The following CACNA1C variants were observed in gnomAD, a reference collection of about 807,000 sequenced individuals.
CACNA1C encodes voltage-dependent L-type calcium channel subunit alpha-1C.
CACNA1C carries 30 observed loss-of-function variants against 229.0 expected under a neutral mutation model. The ratio of observed to expected loss-of-function variants is 0.13; its 90% confidence interval spans 0.10 to 0.18. The LOEUF (loss-of-function observed/expected upper bound fraction) is 0.18. Ranked by LOEUF, CACNA1C falls within the 10% of genes least tolerant of loss-of-function variation. CACNA1C has a pLI of 1.00. For missense variants in CACNA1C, 1,658 were observed against 2,845.0 expected (o/e 0.58, Z 9.49); for synonymous variants, 1,114 against 1,132.5 (o/e 0.98, Z 0.33).
Position 2,146,055 on chromosome 12 carries a change from G to A in CACNA1C, c.477+25625G>A, listed in dbSNP as rs138081424. ...TTTGTAAATTGTGTAGCATTCAAATGGAAGTTATTGTTATTTTTATTATTG... is the reference window on the plus strand; with the variant it reads ...TTTGTAAATTGTGTAGCATTCAAATAGAAGTTATTGTTATTTTTATTATTG... On this transcript the variant is annotated intron_variant, in intron 3 of 46. Transcript: ENST00000399655. Among the ~76,000 whole-genome samples the A allele has an allele frequency of 3.6e-3, 549 of 151,286 alleles. 6 individuals carry two copies. Among genetic ancestry groups the A allele is most frequent in the African/African-American group, 0.013 (525 of 41,450 alleles).
intron 43 of CACNA1C, among the ~76,000 whole-genome samples, chr12:2,682,963 A>G (rs1055705975): frequency 1.0e-5 from 1 of 97,546 alleles, no homozygotes; most frequent in Non-Finnish European, 2.2e-5. Context: ...AAATTTCTGA[A>G]CATTGTTTTA....
At chr12:2,429,433 A>G (rs1269923757) in intron 3 of CACNA1C, among the ~76,000 whole-genome samples, 3 of 152,180 alleles carry the variant, frequency 2.0e-5, no homozygotes, top group Non-Finnish European at 4.4e-5. Context: ...CAGCAGGCAC[A>G]CACCAAGTTG....
chr12:2,436,829 A>C (rs531467539), intron 3 of CACNA1C, among the ~76,000 whole-genome samples: 1 of 152,166 alleles, frequency 6.6e-6, no homozygotes, highest in Non-Finnish European at 1.5e-5. Flanking sequence ...GGAAGCCCCA[A>C]ATTAAGGTGG....
Position 2,682,635 on chromosome 12 carries a change from G to A in CACNA1C, c.5530G>A (p.Asp1844Asn). Residue 1844 changes from aspartate to asparagine, a missense_variant, in exon 43 of 47, where the codon GAC (aspartate) becomes AAC (asparagine). Physicochemically the swap from Asp to Asn is conservative, Grantham distance 23. Transcript: ENST00000399655. ...GACCTATGAAGTGAAGATGAACCAT[G>A]ACACGGAGGCCTGCAGTGAGCCCAG... Reference protein sequence around the residue: ...DETYEVKMNHDTEACSEPSLL... With the variant: ...DETYEVKMNHNTEACSEPSLL... 2.5e-6 allele frequency: 4 copies of A among 1,612,380 alleles called. No homozygotes were observed. The highest frequency in any genetic ancestry group is 3.4e-6 in the Non-Finnish European group (4 of 1,179,612).
chr12:2,415,001 G>T (rs2098850974), intron 3 of CACNA1C, among the ~76,000 whole-genome samples: 1 of 152,152 alleles, frequency 6.6e-6, no homozygotes, highest in South Asian at 2.1e-4. Context: ...CTTCCCCAAG[G>T]CACCCGACAC....
chr12:2,237,605 G>A (rs183188853), intron 3 of CACNA1C, among the ~76,000 whole-genome samples: 1 of 152,288 alleles, frequency 6.6e-6, no homozygotes, highest in African/African-American at 2.4e-5. Flanking sequence ...ATTCCTAGTG[G>A]TCAATGGTTG....
chr12:2,291,723 C>G (rs983822335), intron 3 of CACNA1C, among the ~76,000 whole-genome samples: 7 of 152,154 alleles, frequency 4.6e-5, no homozygotes, highest in Non-Finnish European at 7.4e-5. Flanking sequence ...TTTTGATTGG[C>G]TGTTTGTCCC....
chr12:2,257,278 C>A (rs1035977157), intron 3 of CACNA1C, among the ~76,000 whole-genome samples: 17 of 152,180 alleles, frequency 1.1e-4, no homozygotes, highest in Non-Finnish European at 1.9e-4. Flanking sequence ...TGTAGTCCAG[C>A]TGAGTACCCT....
intron 29 of CACNA1C, among the ~76,000 whole-genome samples, chr12:2,619,796 T>C (rs1294789793): frequency 1.3e-5 from 2 of 152,098 alleles, no homozygotes; most frequent in Non-Finnish European, 2.9e-5. Context: ...CCAAAATATT[T>C]TGTTGAGCAG....
At chr12:2,381,631 G>T (rs2098250890) in intron 3 of CACNA1C, among the ~76,000 whole-genome samples, 1 of 152,154 alleles carries the variant, frequency 6.6e-6, no homozygotes, top group Non-Finnish European at 1.5e-5. Flanking sequence ...TAGCAATCCT[G>T]GGGCTAACCC....
At chr12:2,428,046 A>G (rs748245333) in intron 3 of CACNA1C, among the ~76,000 whole-genome samples, 2 of 152,262 alleles carry the variant, frequency 1.3e-5, no homozygotes, top group African/African-American at 2.4e-5. Flanking sequence ...ACACTTTCAA[A>G]GGAAAGACTG....
In CACNA1C at chr12:2,067,481, T is replaced by TGTGCGC. The variant is rs3085990; in HGVS notation, c.49+13871_49+13872insTGCGCG. ...GTGTGTGTGTGTGTGTGTGTGTGTG[T>TGTGCGC]GCGCGCGTGTGCGTGCCTGTATGTA... On this transcript the variant is annotated intron_variant, in intron 1 of 46. Coordinates refer to ENST00000399655, the MANE Select transcript of CACNA1C (RefSeq NM_000719.7). The surrounding 1 kb of genome is among the most constrained non-coding windows in gnomAD (Gnocchi z 5.3). Among the ~76,000 whole-genome samples the TGTGCGC allele has an allele frequency of 1.6e-3, 219 of 140,888 alleles. No individual in the cohort carries two copies. The highest frequency in any genetic ancestry group is 8.5e-3 in the East Asian group (40 of 4,712). 92.4% of individuals were successfully genotyped at this position (140,888 alleles called of 152,430 possible). A position where few individuals can be genotyped will look rare whatever the true frequency, so the allele number is the denominator to read the frequency against.
intron 1 of CACNA1C, among the ~76,000 whole-genome samples, chr12:1,999,593 G>A (rs767200815): frequency 6.6e-6 from 1 of 152,042 alleles, no homozygotes; most frequent in Non-Finnish European, 1.5e-5. Context: ...AGGTGTGGTG[G>A]CACATGCCGG....
rs574045226 is a variant in CACNA1C, at chr12:2,473,285, G to C, written c.758-12819G>C. The stretch of plus-strand genomic sequence containing the variant: ...CAGGCAACCCCTACACAAACTTCTA[G>C]GGCCCTGTATCTACCTCGCTGTCTC... On this transcript the variant is annotated intron_variant, in intron 5 of 46. Transcript: ENST00000399655. 2.1e-4 allele frequency among the ~76,000 whole-genome samples: 32 copies of C among 152,180 alleles called. No homozygotes were observed. The South Asian group carries it at 6.6e-3, about 32-fold the overall frequency.
chr12:2,408,461 C>A (rs2098763613), intron 3 of CACNA1C, among the ~76,000 whole-genome samples: 1 of 149,464 alleles, frequency 6.7e-6, no homozygotes, highest in Admixed American at 6.6e-5. Context: ...CTTTCCTGGG[C>A]TTTTGGCTAA....
intron 1 of CACNA1C, among the ~76,000 whole-genome samples, chr12:2,023,399 A>G (rs558437274): frequency 6.6e-5 from 10 of 152,006 alleles, no homozygotes; most frequent in Non-Finnish European, 1.3e-4. Context: ...GGCTTTTATC[A>G]CTTTCTACTC....
At chr12:1,993,355 AT>A in intron 1 of CACNA1C, 3 of 1,613,998 alleles carry the variant, frequency 1.9e-6, no homozygotes, top group Non-Finnish European at 2.5e-6. Flanking sequence ...TGCTCAGCCT[AT>A]TCATAATGGT....
chr12:2,553,897 C>T (rs576595783), intron 10 of CACNA1C, among the ~76,000 whole-genome samples: 1 of 152,310 alleles, frequency 6.6e-6, no homozygotes, highest in African/African-American at 2.4e-5. Context: ...CTATGCCGTG[C>T]AAGGGCAGGA....
chr12:2,670,155 A>G (rs2096480780), intron 38 of CACNA1C, among the ~76,000 whole-genome samples: 3 of 152,182 alleles, frequency 2.0e-5, no homozygotes, highest in Admixed American at 2.0e-4. Context: ...TCTTGAACCA[A>G]CTACAGAGAT....
Sources: gnomAD v4.1 joint callset for allele counts (sites outside exome capture counted in the v4.1 genomes callset) on GRCh38, gnomAD v4.1.1 for gene constraint, Gnocchi (gnomAD v3.1) non-coding constraint, MANE v1.5 for transcripts, NCBI Gene and HGNC (gene_info 2026-07-23, HGNC 2026-07-21) for gene names.